Variants in MBP observed in about 807,000 individuals in gnomAD.
MBP encodes myelin basic protein.
Under a neutral mutation model 35.8 loss-of-function variants are expected in MBP, and 16 were observed. The ratio of observed to expected loss-of-function variants is 0.45; its 90% CI spans 0.30 to 0.68. The LOEUF (loss-of-function observed/expected upper bound fraction) is 0.68, where lower values mean the gene tolerates loss of function less well. Ranked by LOEUF, MBP falls within the 30% of genes least tolerant of loss-of-function variation. The probability of loss-of-function intolerance (pLI) is 0.08; values close to 1 mark genes in which losing one functional copy is unlikely to be tolerated. For synonymous variants in MBP, 143 were observed against 159.6 expected (o/e 0.90, Z 0.78); for missense variants, 380 against 404.7 (o/e 0.94, Z 0.52).
intron 4 of MBP, among the ~76,000 whole-genome samples, chr18:77,012,203 C>G (rs987802453): frequency 6.6e-6 from 1 of 152,212 alleles, no homozygotes; most frequent in South Asian, 2.1e-4. Flanking sequence ...TCATTATCAT[C>G]TTTCAGAGAG....
In MBP at chr18:76,988,961, C is replaced by A. The variant is rs369152185; in HGVS notation, c.682-49G>T. On this transcript the variant is annotated intron_variant, in intron 5 of 8. Coordinates refer to ENST00000355994, the MANE Select transcript of MBP (RefSeq NM_001025101.2). The surrounding 1 kb of genome is among the most constrained non-coding windows in gnomAD (Gnocchi z 5.2). ...GGCTGCACTGGGAGCCCTGTGCCGC[C>A]GTCCATTTCCTAACGGGCTCCTGCC... 6 of 1,590,332 alleles carry A rather than the reference C, an allele frequency of 3.8e-6. No homozygotes were observed. In the East Asian group the frequency reaches 6.7e-5, roughly 18 times the overall value.
Position 76,986,879 on chromosome 18 carries a change from T to A in MBP, c.750+1616A>T, listed in dbSNP as rs1347252804. 5.1e-6 allele frequency: 5 copies of A among 985,348 alleles called. No homozygotes were observed. In the South Asian group the frequency reaches 1.9e-4, roughly 37 times the overall value. 61.0% of individuals were successfully genotyped at this position (985,348 alleles called of 1,614,324 possible). Reference sequence around the variant, plus strand: ...TCCTCCTTTCCAATCCTTAGTCATGTTTATCTTTGGGGAACCTAGAATGTA... The same window carrying A: ...TCCTCCTTTCCAATCCTTAGTCATGATTATCTTTGGGGAACCTAGAATGTA... On this transcript the variant is annotated intron_variant, in intron 7 of 8. Coordinates refer to ENST00000355994, the MANE Select transcript of MBP (RefSeq NM_001025101.2).
At chr18:77,019,075 TCCA>T in intron 3 of MBP, among the ~76,000 whole-genome samples, 1 of 136,958 alleles carries the variant, frequency 7.3e-6, no homozygotes, top group African/African-American at 2.5e-5. Context: ...CATCCATCCA[TCCA>T]TCCATTATTT....
intron 2 of MBP, among the ~76,000 whole-genome samples, chr18:77,070,725 G>T (rs1974404549): frequency 1.3e-5 from 2 of 152,234 alleles, no homozygotes; most frequent in African/African-American, 4.8e-5. Flanking sequence ...GACAGGAGGG[G>T]CCCTGGGAAC....
intron 2 of MBP, chr18:77,067,740 A>G (rs1974256273): frequency 6.5e-6 from 3 of 463,590 alleles, no homozygotes; most frequent in Non-Finnish European, 1.3e-5. Context: ...TTAAGTTTGT[A>G]CCAATTTTCC....
intron 2 of MBP, among the ~76,000 whole-genome samples, chr18:77,075,925 C>T (rs62104279): frequency 0.26 from 38,874 of 151,958 alleles, 5,417 homozygotes; most frequent in South Asian, 0.38. Context: ...CTGTTGGCCT[C>T]TGGAGGCAAC....
At chr18:77,014,309 G>A (rs1402892320) in intron 4 of MBP, 1 of 985,428 alleles carries the variant, frequency 1.0e-6, no homozygotes, top group African/African-American at 1.7e-5. Flanking sequence ...GAGGGAGGAA[G>A]AGCACAGGAG....
intron 4 of MBP, among the ~76,000 whole-genome samples, chr18:77,001,145 G>A (rs537692191): frequency 6.6e-6 from 1 of 151,356 alleles, no homozygotes; most frequent in South Asian, 2.1e-4. Context: ...CCTGGTCCCC[G>A]CCCACCGGGT....
At chr18:77,082,033 T>C (rs924542868) in intron 2 of MBP, among the ~76,000 whole-genome samples, 2 of 151,114 alleles carry the variant, frequency 1.3e-5, no homozygotes, top group African/African-American at 2.4e-5. Context: ...TTTGTATTTT[T>C]AGTAGAGACG....
intron 3 of MBP, among the ~76,000 whole-genome samples, chr18:77,041,009 A>G (rs1740245463): frequency 6.6e-6 from 1 of 151,684 alleles, no homozygotes; most frequent in Non-Finnish European, 1.5e-5. Context: ...ACAGAATGGG[A>G]GAAGATTTTT....
intron 3 of MBP, among the ~76,000 whole-genome samples, chr18:77,045,573 C>T (rs72483090): frequency 0.11 from 16,669 of 152,034 alleles, 1,000 homozygotes; most frequent in East Asian, 0.16. Flanking sequence ...CTGCCAACAC[C>T]GACTTCTGCT....
intron 8 of MBP, chr18:76,984,491 C>T: frequency 2.5e-6 from 1 of 397,636 alleles, no homozygotes; most frequent in South Asian, 2.7e-5. Context: ...CCAGCTGGGC[C>T]CTGCCCCAGA....
intron 2 of MBP, among the ~76,000 whole-genome samples, chr18:77,072,998 T>C (rs1974513313): frequency 6.6e-6 from 1 of 152,238 alleles, no homozygotes; most frequent in Non-Finnish European, 1.5e-5. Flanking sequence ...GCCATTGCCC[T>C]GTCTTAGATT....
rs1969794301 is a variant in MBP, at chr18:76,989,889, G to A, written c.681+67C>T. ...GAGCGTACGAACGTCCTGTGTGGAT[G>A]ACAGCAGTGGCCAGCACCCCTCCTC... is the stretch of plus-strand genomic sequence containing the variant. On this transcript the variant is annotated intron_variant, in intron 5 of 8. Coordinates refer to ENST00000355994, the MANE Select transcript of MBP (RefSeq NM_001025101.2). The surrounding 1 kb of genome is among the most constrained non-coding windows in gnomAD (Gnocchi z 4.0). 2.2e-6 allele frequency: 3 copies of A among 1,369,566 alleles called. No homozygotes were observed. In the Admixed American group the frequency reaches 5.0e-5, roughly 23 times the overall value. 84.8% of individuals were successfully genotyped at this position (1,369,566 alleles called of 1,614,324 possible).
At chr18:77,053,821 C>T (rs1324315179) in intron 3 of MBP, among the ~76,000 whole-genome samples, 1 of 152,236 alleles carries the variant, frequency 6.6e-6, no homozygotes, top group Admixed American at 6.5e-5. Flanking sequence ...GCCGGGCCTG[C>T]GTCTAGGTGC....
At chr18:77,002,035 T>G (rs1400422585) in intron 4 of MBP, among the ~76,000 whole-genome samples, 1 of 152,204 alleles carries the variant, frequency 6.6e-6, no homozygotes, top group African/African-American at 2.4e-5. Flanking sequence ...TTGTATTGAT[T>G]ATGTGCCAGT....
intron 1 of MBP, among the ~76,000 whole-genome samples, chr18:77,125,781 T>C (rs1353327962): frequency 2.0e-5 from 3 of 151,980 alleles, no homozygotes; most frequent in South Asian, 2.1e-4. Flanking sequence ...CGATAAAATA[T>C]GTACACCTAG....
At chr18:77,012,897 A>G (rs749972351) in intron 4 of MBP, 21 of 985,372 alleles carry the variant, frequency 2.1e-5, no homozygotes, top group Non-Finnish European at 2.5e-5. Flanking sequence ...ACAGGCAATT[A>G]CCATCAAATA....
chr18:77,098,189 T>TTTTTTTTTTTTA (rs10670800), intron 2 of MBP, among the ~76,000 whole-genome samples: 2 of 146,490 alleles, frequency 1.4e-5, no homozygotes, highest in Non-Finnish European at 3.0e-5. Flanking sequence ...TTTTTTTTTT[T>TTTTTTTTTTTTA]ACAATAATAG....
Sources: allele counts gnomAD v4.1 joint callset (sites outside exome capture counted in the v4.1 genomes callset), GRCh38; gene constraint gnomAD v4.1.1; non-coding constraint Gnocchi (gnomAD v3.1); transcripts MANE v1.5; gene names NCBI Gene and HGNC (gene_info 2026-07-23, HGNC 2026-07-21).